Variants in METTL15 observed in about 807,000 individuals in gnomAD.
The protein encoded by METTL15 is 12S rRNA N(4)-cytidine methyltransferase METTL15.
In METTL15, 34 loss-of-function variants were observed where a neutral mutation model predicts 38.3. The observed-to-expected ratio is 0.89, with a 90% confidence interval of 0.68 to 1.18. The LOEUF (loss-of-function observed/expected upper bound fraction) is 1.18. METTL15 is among the 50% of genes most tolerant of loss of function. METTL15 has a pLI of 0.00. For missense variants in METTL15, 438 were observed against 498.4 expected (o/e 0.88, Z 1.15); for synonymous variants, 162 against 170.9 (o/e 0.95, Z 0.41).
intron 5 of METTL15, among the ~76,000 whole-genome samples, chr11:28,393,092 G>A (rs1301488531): frequency 1.3e-5 from 2 of 152,052 alleles, no homozygotes; most frequent in Non-Finnish European, 2.9e-5. Context: ...AAATGGTGCA[G>A]CCATTATGGA....
In METTL15 at chr11:28,129,651, C is replaced by T. The variant is rs551119655; in HGVS notation, c.270+16047C>T. On this transcript the variant is annotated intron_variant, in intron 3 of 6. Transcript: ENST00000407364. ...TCTTGAACTCCTGACCTCAAGTGGTCTGTCTGTCTGTGCCTTCCAAAGTGC... is the reference window on the plus strand; with the variant it reads ...TCTTGAACTCCTGACCTCAAGTGGTTTGTCTGTCTGTGCCTTCCAAAGTGC... Among the ~76,000 whole-genome samples, 138 of 152,262 alleles carry T rather than the reference C, an allele frequency of 9.1e-4. 1 individual carries two copies. The South Asian group carries it at 0.028, about 30-fold the overall frequency.
chr11:28,489,558 A>G (rs1028839620), intron 6 of METTL15, among the ~76,000 whole-genome samples: 3 of 152,110 alleles, frequency 2.0e-5, no homozygotes, highest in African/African-American at 7.2e-5. Context: ...AGTATGAAGC[A>G]GAACAAGCCA....
chr11:28,463,232 A>G (rs78650759), intron 6 of METTL15, among the ~76,000 whole-genome samples: 14,636 of 152,242 alleles, frequency 0.096, 935 homozygotes, highest in South Asian at 0.21. Context: ...ATGGTAATCC[A>G]TACATGTCTT....
intron 6 of METTL15, among the ~76,000 whole-genome samples, chr11:28,484,710 T>C (rs953789421): frequency 1.3e-5 from 2 of 152,138 alleles, no homozygotes; most frequent in African/African-American, 4.8e-5. Flanking sequence ...TCCTACCAAC[T>C]CATTCACTTC....
At chr11:28,437,998 A>G (rs976266236) in intron 6 of METTL15, among the ~76,000 whole-genome samples, 1 of 126,922 alleles carries the variant, frequency 7.9e-6, no homozygotes, top group Non-Finnish European at 1.9e-5. Context: ...CTCAATAAAT[A>G]TTTACTGAAT....
At chr11:28,379,231 T>C (rs1850355998) in intron 5 of METTL15, among the ~76,000 whole-genome samples, 4 of 152,230 alleles carry the variant, frequency 2.6e-5, no homozygotes, top group Admixed American at 1.3e-4. Flanking sequence ...TTGATTTTTA[T>C]TATTTATTTT....
At chr11:28,183,788 G>A (rs1288599426) in intron 3 of METTL15, among the ~76,000 whole-genome samples, 2 of 151,962 alleles carry the variant, frequency 1.3e-5, no homozygotes, top group Non-Finnish European at 2.9e-5. Flanking sequence ...GAGTTAGGGA[G>A]GATTCCCTCT....
chr11:28,513,891 C>T lies in METTL15; in HGVS notation c.*425-12587C>T, dbSNP rs372402981. Among the ~76,000 whole-genome samples the T allele has an allele frequency of 2.6e-5, 4 of 152,344 alleles. No homozygotes were observed. In the East Asian group the frequency reaches 5.8e-4, roughly 22 times the overall value. On this transcript the variant is annotated intron_variant and NMD_transcript_variant, in intron 6 of 7. Transcript: ENST00000532947. The stretch of plus-strand genomic sequence containing the variant: ...TGCCCTCATTCCGGTAAACCCACAA[C>T]CTTCTAGCGTGGGCATTATGACCAT...
intron 4 of METTL15, among the ~76,000 whole-genome samples, chr11:28,223,460 T>C (rs564024353): frequency 8.5e-5 from 13 of 152,300 alleles, no homozygotes; most frequent in Non-Finnish European, 1.3e-4. Flanking sequence ...GATGCATAGA[T>C]AGATTACATA....
intron 3 of METTL15, chr11:28,122,095 T>C (rs1201427420): frequency 9.6e-6 from 11 of 1,148,746 alleles, no homozygotes; most frequent in Non-Finnish European, 1.2e-5. Context: ...GTGTATTAAC[T>C]CCATCTTACT....
intron 6 of METTL15, among the ~76,000 whole-genome samples, chr11:28,426,570 C>T (rs11030330): frequency 0.41 from 59,755 of 146,694 alleles, 13,969 homozygotes; most frequent in Admixed American, 0.53. Flanking sequence ...TTCTCTGTAA[C>T]CTTGCCAGCA....
intron 4 of METTL15, among the ~76,000 whole-genome samples, chr11:28,236,656 G>T (rs185368281): frequency 6.6e-4 from 100 of 152,214 alleles, no homozygotes; most frequent in African/African-American, 2.2e-3. Flanking sequence ...GATGTTAGCT[G>T]GTTATTTTGC....
intron 3 of METTL15, among the ~76,000 whole-genome samples, chr11:28,204,659 A>G (rs899374489): frequency 2.6e-5 from 4 of 151,826 alleles, no homozygotes; most frequent in Non-Finnish European, 2.9e-5. Context: ...TGCATTTGCC[A>G]CTTACTAGTT....
At chr11:28,519,554 CA>C (rs5790692) in intron 6 of METTL15, among the ~76,000 whole-genome samples, 65,970 of 139,690 alleles carry the variant, frequency 0.47, 14,941 homozygotes, top group Admixed American at 0.56. Context: ...GGCTCCGTCT[CA>C]AAAAAAAAAA....
chr11:28,221,899 A>G (rs950321348), intron 4 of METTL15, among the ~76,000 whole-genome samples: 1 of 151,986 alleles, frequency 6.6e-6, no homozygotes, highest in Non-Finnish European at 1.5e-5. Flanking sequence ...TTGCTGCCTG[A>G]TCGTTCCTCT....
rs565143329 is a variant in METTL15 at position 28,219,538 on chromosome 11, G to GT, written c.407+8347dup. On this transcript the variant is annotated intron_variant, in intron 4 of 6. Coordinates refer to ENST00000407364, the MANE Select transcript of METTL15 (RefSeq NM_001113528.2). ...CCTTGATTTATTGATTTTTTTGAAG[G>GT]TTTTTTTATGTCTCTAACTCCTTCA... Among the ~76,000 whole-genome samples the GT allele has an allele frequency of 9.3e-4, 142 of 152,074 alleles. 1 individual carries two copies. Among genetic ancestry groups the GT allele is most frequent in the African/African-American group, 3.3e-3 (138 of 41,462 alleles).
intron 5 of METTL15, among the ~76,000 whole-genome samples, chr11:28,418,432 T>C (rs777556932): frequency 2.0e-4 from 30 of 152,180 alleles, no homozygotes; most frequent in Non-Finnish European, 4.1e-4. Flanking sequence ...TCAGTGGGTC[T>C]ATTTTGAAGA....
chr11:28,490,993 T>C (rs1042184593), intron 6 of METTL15, among the ~76,000 whole-genome samples: 32 of 152,318 alleles, frequency 2.1e-4, no homozygotes, highest in African/African-American at 7.7e-4. Context: ...TTAGCAAAAG[T>C]AATTTCCCAA....
intron 5 of METTL15, among the ~76,000 whole-genome samples, chr11:28,386,070 T>G (rs1850437541): frequency 6.6e-6 from 1 of 152,090 alleles, no homozygotes; most frequent in Non-Finnish European, 1.5e-5. Context: ...AAATGTTTTA[T>G]GTAATCTCCA....
Sources: allele counts gnomAD v4.1 joint callset (sites outside exome capture counted in the v4.1 genomes callset), GRCh38; gene constraint gnomAD v4.1.1; transcripts MANE v1.5; gene names NCBI Gene and HGNC (gene_info 2026-07-23, HGNC 2026-07-21).